GPATCH8: variants seen among roughly 807,000 people sequenced by gnomAD.
GPATCH8 encodes G patch domain-containing protein 8.
Under a neutral mutation model 118.3 loss-of-function variants are expected in GPATCH8, and 18 were observed. The ratio of observed to expected loss-of-function variants is 0.15; its 90% CI spans 0.11 to 0.23. GPATCH8 has a LOEUF of 0.23. Among genes scored for constraint, GPATCH8 ranks in the 10% least tolerant of loss-of-function variants. The probability of loss-of-function intolerance (pLI) is 1.00; values close to 1 mark genes in which losing one functional copy is unlikely to be tolerated. For missense variants in GPATCH8, 1,631 were observed against 1,873.8 expected, an observed-to-expected ratio of 0.87 and a Z score of 2.39; for synonymous variants, 659 against 684.7, an observed-to-expected ratio of 0.96 and a Z score of 0.59.
intron 3 of GPATCH8, among the ~76,000 whole-genome samples, chr17:44,458,388 T>C (rs756791881): frequency 2.0e-5 from 3 of 152,180 alleles, no homozygotes; most frequent in Non-Finnish European, 4.4e-5. Context: ...TTTCCCATAA[T>C]CTTACCAGGC....
At chr17:44,452,118 G>A (rs1251349531) in intron 3 of GPATCH8, among the ~76,000 whole-genome samples, 2 of 151,478 alleles carry the variant, frequency 1.3e-5, no homozygotes, top group East Asian at 1.9e-4. Context: ...TAAAAATACA[G>A]GAAAATTAGT....
At chr17:44,428,689 G>A (rs2050179254) in intron 5 of GPATCH8, among the ~76,000 whole-genome samples, 1 of 151,992 alleles carries the variant, frequency 6.6e-6, no homozygotes, top group African/African-American at 2.4e-5. Context: ...TGTAGCCCCA[G>A]ATGCTCGGGA....
chr17:44,490,671 T>C (rs1280981879), intron 1 of GPATCH8, among the ~76,000 whole-genome samples: 1 of 149,176 alleles, frequency 6.7e-6, no homozygotes, highest in East Asian at 2.0e-4. Context: ...AAAAAAAAAG[T>C]ATTAGATTTT....
chr17:44,396,145 A>G lies in GPATCH8; in HGVS notation c.*1423T>C, dbSNP rs1390550655. 2.2e-6 allele frequency: 1 copy of G among 454,402 alleles called. No homozygotes were observed. The highest frequency in any genetic ancestry group is 4.4e-6 in the Non-Finnish European group (1 of 226,784). 28.1% of individuals were successfully genotyped at this position (454,402 alleles called of 1,614,324 possible). A position where few individuals can be genotyped will look rare whatever the true frequency, so the allele number is the denominator to read the frequency against. On this transcript the variant is annotated 3_prime_UTR_variant, in exon 8 of 8. Coordinates refer to ENST00000591680, the MANE Select transcript of GPATCH8 (RefSeq NM_001002909.4). ...CCGTTTCTACCAACCCAAAAGGCAC[A>G]TTAAAAAAAAAATTGTCAGAGGGGG...
intron 5 of GPATCH8, among the ~76,000 whole-genome samples, chr17:44,432,939 A>G (rs1444492714): frequency 6.6e-6 from 1 of 152,168 alleles, no homozygotes; most frequent in Non-Finnish European, 1.5e-5. Context: ...CCTGGGCCCA[A>G]GTGATCCTCC....
intron 1 of GPATCH8, among the ~76,000 whole-genome samples, chr17:44,489,853 A>C (rs888436050): frequency 7.2e-5 from 11 of 152,206 alleles, no homozygotes; most frequent in Non-Finnish European, 1.3e-4. Context: ...CATTCTTTCT[A>C]AAAACATTCA....
Position 44,400,503 on chromosome 17 carries a change from T to G in GPATCH8, c.1574A>C (p.Glu525Ala). 3 of 1,614,204 alleles carry G rather than the reference T, an allele frequency of 1.9e-6. No homozygotes were observed. Among genetic ancestry groups the G allele is most frequent in the Non-Finnish European group, 2.5e-6 (3 of 1,180,014 alleles). ...ETSLATPAGK[E>A]SQEGPKHPTG... ...AGGATGTTTGGGTCCTTCTTGGCTT[T>G]CTTTCCCTGCTGGGGTGGCCAGAGA... is the stretch of plus-strand genomic sequence containing the variant. Residue 525 changes from glutamate (E) to alanine (A), a missense_variant, in exon 8 of 8, where the codon GAA (glutamate) becomes GCA (alanine). By Grantham distance (107) the Glu-to-Ala change is moderately radical. Coordinates refer to ENST00000591680, the MANE Select transcript of GPATCH8 (RefSeq NM_001002909.4).
At chr17:44,431,975 G>A (rs1035413822) in intron 5 of GPATCH8, among the ~76,000 whole-genome samples, 1 of 151,710 alleles carries the variant, frequency 6.6e-6, no homozygotes, top group Non-Finnish European at 1.5e-5. Context: ...TCAGAGTAGT[G>A]ACTAAGAATT....
At chr17:44,500,068 CTG>C (rs1969948339) in intron 1 of GPATCH8, among the ~76,000 whole-genome samples, 1 of 152,136 alleles carries the variant, frequency 6.6e-6, no homozygotes, top group Non-Finnish European at 1.5e-5. Context: ...AAAATAAAAA[CTG>C]GAACTGTATC....
intron 6 of GPATCH8, among the ~76,000 whole-genome samples, chr17:44,423,850 G>C (rs781046239): frequency 1.1e-4 from 17 of 152,138 alleles, no homozygotes; most frequent in Non-Finnish European, 2.2e-4. Context: ...TTAAAGTTAA[G>C]ATAGCATCTA....
intron 5 of GPATCH8, among the ~76,000 whole-genome samples, chr17:44,425,677 T>C (rs779741196): frequency 4.1e-4 from 63 of 152,200 alleles, no homozygotes; most frequent in Non-Finnish European, 8.8e-4. Context: ...TATAGGCGTG[T>C]ACCAGCAAAC....
intron 3 of GPATCH8, among the ~76,000 whole-genome samples, chr17:44,446,775 C>T (rs1333978464): frequency 6.6e-6 from 1 of 152,084 alleles, no homozygotes; most frequent in Admixed American, 6.6e-5. Flanking sequence ...TCCAGGATCA[C>T]TCCATTACCC....
At chr17:44,409,858 T>G (rs796288620) in intron 6 of GPATCH8, among the ~76,000 whole-genome samples, 20 of 152,350 alleles carry the variant, frequency 1.3e-4, no homozygotes, top group African/African-American at 4.8e-4. Context: ...AAAACACTAC[T>G]AAGTCTACGG....
chr17:44,432,941 T>G (rs1241849944), intron 5 of GPATCH8, among the ~76,000 whole-genome samples: 1 of 152,152 alleles, frequency 6.6e-6, no homozygotes, highest in Admixed American at 6.5e-5. Context: ...TGGGCCCAAG[T>G]GATCCTCCCA....
At chr17:44,503,014 G>A (rs1311997448) in intron 1 of GPATCH8, among the ~76,000 whole-genome samples, 1 of 152,172 alleles carries the variant, frequency 6.6e-6, no homozygotes, top group African/African-American at 2.4e-5. Flanking sequence ...GCCCTTCGCC[G>A]GCACAGATCG....
chr17:44,431,201 T>C (rs1292228497), intron 5 of GPATCH8, among the ~76,000 whole-genome samples: 1 of 150,642 alleles, frequency 6.6e-6, no homozygotes, highest in African/African-American at 2.4e-5. Flanking sequence ...CAGAACCCTG[T>C]CTCCACTAAA....
At chr17:44,466,815 T>C (rs1176085779) in intron 2 of GPATCH8, among the ~76,000 whole-genome samples, 2 of 152,188 alleles carry the variant, frequency 1.3e-5, no homozygotes, top group Non-Finnish European at 2.9e-5. Context: ...GAGTATATGG[T>C]TTATCAGATA....
chr17:44,483,644 T>C (rs1968524488), intron 1 of GPATCH8, among the ~76,000 whole-genome samples: 1 of 146,106 alleles, frequency 6.8e-6, no homozygotes, highest in Admixed American at 6.7e-5. Context: ...AAATTTACTT[T>C]ATTTTTTATT....
intron 1 of GPATCH8, among the ~76,000 whole-genome samples, chr17:44,501,243 C>A (rs1239008361): frequency 6.6e-6 from 1 of 152,058 alleles, no homozygotes; most frequent in South Asian, 2.1e-4. Context: ...ACGGTGAAAC[C>A]CCATCTCTAC....
Sources: allele counts gnomAD v4.1 joint callset (sites outside exome capture counted in the v4.1 genomes callset), GRCh38; gene constraint gnomAD v4.1.1; transcripts MANE v1.5; gene names NCBI Gene and HGNC (gene_info 2026-07-23, HGNC 2026-07-21).